Variants in GFPT1 observed in about 807,000 individuals in gnomAD.
The protein encoded by GFPT1 is glutamine--fructose-6-phosphate transaminase 1.
GFPT1 carries 40 observed loss-of-function variants against 92.0 expected under a neutral mutation model. That is an observed-to-expected ratio of 0.43 (90% CI 0.34 to 0.57). The LOEUF is 0.57. Among genes scored for constraint, GFPT1 ranks in the 20% least tolerant of loss-of-function variants. GFPT1 has a pLI of 0.02. For synonymous variants in GFPT1, 269 were observed against 280.6 expected (o/e 0.96, Z 0.41); for missense variants, 448 against 869.1 (o/e 0.52, Z 6.09).
chr2:69,378,399 C>T (rs962207348), intron 1 of GFPT1, among the ~76,000 whole-genome samples: 1 of 152,220 alleles, frequency 6.6e-6, no homozygotes, highest in African/African-American at 2.4e-5. Flanking sequence ...AGAGCACACA[C>T]AGTAGCTGTA....
At chr2:69,347,172 A>G (rs1671102640) in intron 11 of GFPT1, among the ~76,000 whole-genome samples, 2 of 151,396 alleles carry the variant, frequency 1.3e-5, no homozygotes, top group South Asian at 4.2e-4. Flanking sequence ...CAGCCTCCCA[A>G]AGTGCTAGGA....
intron 7 of GFPT1, among the ~76,000 whole-genome samples, chr2:69,355,842 T>C (rs1185922348): frequency 6.6e-6 from 1 of 152,190 alleles, no homozygotes. Flanking sequence ...GGAATCTGTC[T>C]AGAATATATG....
intron 12 of GFPT1, 70 bp from the exon 13 acceptor site, chr2:69,342,319 A>C: frequency 1.1e-6 from 1 of 886,264 alleles, no homozygotes; most frequent in Non-Finnish European, 1.9e-6. Context: ...GCATTTTGTG[A>C]GTATCCACTG....
At chr2:69,336,320 C>A (rs1670795539) in intron 15 of GFPT1, among the ~76,000 whole-genome samples, 2 of 113,006 alleles carry the variant, frequency 1.8e-5, no homozygotes, top group Non-Finnish European at 3.3e-5. Flanking sequence ...GCCTGGCCAA[C>A]AGAGTGAGAG....
chr2:69,326,230 C>G lies in GFPT1; in HGVS notation c.2059G>C (p.Asp687His). The G allele has an allele frequency of 6.6e-7, 1 of 1,512,422 alleles. No homozygotes were observed. Among genetic ancestry groups the G allele is most frequent in the Non-Finnish European group, 9.0e-7 (1 of 1,115,806 alleles). The allele number at this position is 1,512,422 out of a possible 1,614,324, so 93.7% of individuals were successfully genotyped here. A position where few individuals can be genotyped will look rare whatever the true frequency, so the allele number is the denominator to read the frequency against. ...HLAVLRGYDV[D>H]FPRNLAKSVT... ...GATTTGGCAAGATTCCGTGGGAAAT[C>G]AACCTGCAAAAAGAAAAAAAAAAAA... Residue 687 changes from aspartate to histidine, a missense_variant, in exon 20 of 20, where the codon GAT becomes CAT. Physicochemically the swap from Asp to His is moderately conservative, Grantham distance 81. This residue lies in a region of GFPT1 where 55 missense variants were observed against 98.8 expected (regional missense o/e 0.56). Coordinates refer to ENST00000357308, the MANE Select transcript of GFPT1 (RefSeq NM_001244710.2).
chr2:69,334,320 A>C (rs1336825321), intron 15 of GFPT1, among the ~76,000 whole-genome samples: 1 of 152,192 alleles, frequency 6.6e-6, no homozygotes, highest in African/African-American at 2.4e-5. Flanking sequence ...TTACTTTAGA[A>C]TCCAAGAAAA....
intron 15 of GFPT1, among the ~76,000 whole-genome samples, chr2:69,335,564 T>C (rs1181428322): frequency 6.6e-6 from 1 of 151,982 alleles, no homozygotes; most frequent in Admixed American, 6.6e-5. Context: ...GGGATTCCAA[T>C]CCCCCAATCA....
At chr2:69,335,213 C>T (rs1178192261) in intron 15 of GFPT1, among the ~76,000 whole-genome samples, 1 of 152,002 alleles carries the variant, frequency 6.6e-6, no homozygotes, top group Non-Finnish European at 1.5e-5. Context: ...CACTCTGATG[C>T]CTCGGCTGGT....
At chr2:69,334,087 C>A (rs750735917) in intron 15 of GFPT1, among the ~76,000 whole-genome samples, 3 of 152,020 alleles carry the variant, frequency 2.0e-5, no homozygotes, top group Non-Finnish European at 4.4e-5. Context: ...AACCGGAGGG[C>A]GGAAGTTACA....
intron 11 of GFPT1, among the ~76,000 whole-genome samples, chr2:69,346,948 C>T (rs1034576805): frequency 6.6e-6 from 1 of 151,798 alleles, no homozygotes; most frequent in Non-Finnish European, 1.5e-5. Flanking sequence ...CTCACTCTGT[C>T]GCCCAGGCTG....
intron 3 of GFPT1, among the ~76,000 whole-genome samples, chr2:69,367,798 C>T (rs1006764740): frequency 6.6e-6 from 1 of 152,176 alleles, no homozygotes; most frequent in Non-Finnish European, 1.5e-5. Context: ...AGTGGAAGTG[C>T]TTAGTCTCAG....
intron 1 of GFPT1, among the ~76,000 whole-genome samples, chr2:69,382,380 C>T (rs1672032995): frequency 6.6e-6 from 1 of 152,212 alleles, no homozygotes; most frequent in Non-Finnish European, 1.5e-5. Flanking sequence ...TCAGGAACCA[C>T]AGCTCTAGAA....
At chr2:69,366,823 T>C (rs1246342660) in intron 3 of GFPT1, among the ~76,000 whole-genome samples, 1 of 152,216 alleles carries the variant, frequency 6.6e-6, no homozygotes, top group Non-Finnish European at 1.5e-5. Flanking sequence ...AATAATTTCC[T>C]CATTTGCATC....
intron 9 of GFPT1, among the ~76,000 whole-genome samples, chr2:69,350,862 G>T (rs1041073758): frequency 6.7e-6 from 1 of 148,358 alleles, no homozygotes; most frequent in Non-Finnish European, 1.5e-5. Flanking sequence ...GAAATCACAC[G>T]CCATTGTACT....
In GFPT1 at chr2:69,358,427, T is replaced by C. The variant is rs1216765737; in HGVS notation, c.445A>G (p.Thr149Ala). The change falls in exon 6 of 20, where the codon ACA (threonine) becomes GCA (alanine). Residue 149 changes from threonine (T) to alanine (A), a missense_variant. Physicochemically the swap from Thr to Ala is moderately conservative, Grantham distance 58 (BLOSUM62 0). Coordinates refer to ENST00000357308, the MANE Select transcript of GFPT1 (RefSeq NM_001244710.2). ...TTAACGAGCTTGGCAATTGTCTCTGTGTCTGTTTCAGATTCGAAGTCATAG... is the reference window on the plus strand; with the variant it reads ...TTAACGAGCTTGGCAATTGTCTCTGCGTCTGTTTCAGATTCGAAGTCATAG... ...KGYDFESETD[T>A]ETIAKLVKYM... 1 of 1,610,186 alleles carries C rather than the reference T, an allele frequency of 6.2e-7. No homozygotes were observed. Among genetic ancestry groups the C allele is most frequent in the Non-Finnish European group, 8.5e-7 (1 of 1,176,564 alleles).
At chr2:69,344,727 T>C (rs950153778) in intron 12 of GFPT1, among the ~76,000 whole-genome samples, 8 of 151,778 alleles carry the variant, frequency 5.3e-5, no homozygotes, top group Non-Finnish European at 7.4e-5. Context: ...CACTGCAGCC[T>C]CGATCTACAG....
At chr2:69,365,061 T>A (rs1312808041) in intron 3 of GFPT1, among the ~76,000 whole-genome samples, 3 of 150,764 alleles carry the variant, frequency 2.0e-5, no homozygotes, top group Non-Finnish European at 4.4e-5. Context: ...CTATCTTTTC[T>A]TGGGGTTTCT....
intron 2 of GFPT1, among the ~76,000 whole-genome samples, chr2:69,372,679 T>C (rs952244651): frequency 4.6e-5 from 7 of 151,980 alleles, no homozygotes; most frequent in South Asian, 2.1e-4. Context: ...AGGAAGAGAA[T>C]AAGATGTGCT....
chr2:69,357,444 T>C (rs1018423924), intron 6 of GFPT1, among the ~76,000 whole-genome samples: 2 of 152,158 alleles, frequency 1.3e-5, no homozygotes, highest in Non-Finnish European at 1.5e-5. Flanking sequence ...AGAACCACCT[T>C]GGAACACAAA....
Sources: gnomAD v4.1 joint callset for allele counts (sites outside exome capture counted in the v4.1 genomes callset) on GRCh38, gnomAD v4.1.1 for gene constraint, gnomAD v4.1.1 regional missense constraint, MANE v1.5 for transcripts, NCBI Gene and HGNC (gene_info 2026-07-23, HGNC 2026-07-21) for gene names.